NYAP2: variants seen among roughly 807,000 people sequenced by gnomAD.
NYAP2 encodes neuronal tyrosine-phosphorylated phosphoinositide-3-kinase adaptor 2.
In NYAP2, 23 loss-of-function variants were observed where a neutral mutation model predicts 50.4. The ratio of observed to expected loss-of-function variants is 0.46; its 90% CI spans 0.33 to 0.65. The LOEUF (loss-of-function observed/expected upper bound fraction) is 0.65. Ranked by LOEUF, NYAP2 falls within the 30% of genes least tolerant of loss-of-function variation. The probability of loss-of-function intolerance (pLI) is 0.02; values close to 1 mark genes in which losing one functional copy is unlikely to be tolerated. For missense variants in NYAP2, 885 were observed against 861.0 expected, an observed-to-expected ratio of 1.03 and a Z score of -0.35; for synonymous variants, 394 against 365.2, an observed-to-expected ratio of 1.08 and a Z score of -0.90.
At chr2:225,690,863 G>A in the NYAP2 span, among the ~76,000 whole-genome samples, 1 of 151,974 alleles carries the variant, frequency 6.6e-6, no homozygotes, top group Non-Finnish European at 1.5e-5. Flanking sequence ...TGTTTATATA[G>A]CACCAATACT....
At chr2:225,647,393 G>A (rs1693652681) in intron 6 of NYAP2, among the ~76,000 whole-genome samples, 1 of 152,156 alleles carries the variant, frequency 6.6e-6, no homozygotes. Context: ...TGATACACTT[G>A]TGTTTAAACA....
intron 3 of NYAP2, among the ~76,000 whole-genome samples, chr2:225,445,643 T>TA (rs1689539996): frequency 1.3e-5 from 2 of 152,014 alleles, no homozygotes; most frequent in Admixed American, 1.3e-4. Flanking sequence ...AAATATATTT[T>TA]AAAAAATTAA....
intron 3 of NYAP2, among the ~76,000 whole-genome samples, chr2:225,484,112 G>A (rs1574637737): frequency 6.6e-6 from 1 of 152,306 alleles, no homozygotes; most frequent in East Asian, 1.9e-4. Flanking sequence ...AGGTTTTTAA[G>A]TTGGTGCTTT....
chr2:225,643,494 G>A (rs1693568945), intron 6 of NYAP2, among the ~76,000 whole-genome samples: 1 of 151,154 alleles, frequency 6.6e-6, no homozygotes, highest in African/African-American at 2.4e-5. Flanking sequence ...TGCACAATGT[G>A]CAGGTTAGTT....
the NYAP2 span, among the ~76,000 whole-genome samples, chr2:225,668,820 G>A: frequency 1.3e-5 from 2 of 152,100 alleles, no homozygotes; most frequent in Admixed American, 6.6e-5. Context: ...TAGAGGGAGG[G>A]AGAGGATCTC....
At chr2:225,542,244 T>C (rs992265940) in intron 4 of NYAP2, among the ~76,000 whole-genome samples, 1 of 152,150 alleles carries the variant, frequency 6.6e-6, no homozygotes, top group African/African-American at 2.4e-5. Context: ...TCCTTTCCAG[T>C]TGGATGCCTT....
At chr2:225,473,686 T>C (rs1690052345) in intron 3 of NYAP2, among the ~76,000 whole-genome samples, 1 of 152,202 alleles carries the variant, frequency 6.6e-6, no homozygotes, top group Non-Finnish European at 1.5e-5. Context: ...TTTGTTTGAG[T>C]TCTTTGTAGA....
the NYAP2 span, among the ~76,000 whole-genome samples, chr2:225,683,017 C>T: frequency 6.6e-6 from 1 of 152,204 alleles, no homozygotes; most frequent in Non-Finnish European, 1.5e-5. Flanking sequence ...ATTTCCCCCC[C>T]CCATTCTGTT....
chr2:225,443,850 G>C (rs551451973), intron 3 of NYAP2, among the ~76,000 whole-genome samples: 138 of 152,250 alleles, frequency 9.1e-4, no homozygotes, highest in Middle Eastern at 3.4e-3. Context: ...CACCTGTCAA[G>C]ACTTATATAA....
chr2:225,497,404 G>A (rs1328337944), intron 3 of NYAP2, among the ~76,000 whole-genome samples: 1 of 152,256 alleles, frequency 6.6e-6, no homozygotes, highest in African/African-American at 2.4e-5. Flanking sequence ...ATGTCACTCC[G>A]GTTACATGAA....
chr2:225,599,460 C>T (rs1233708404), intron 5 of NYAP2, among the ~76,000 whole-genome samples: 1 of 152,166 alleles, frequency 6.6e-6, no homozygotes, highest in Non-Finnish European at 1.5e-5. Flanking sequence ...AGAATTAAAA[C>T]CAGCCTGACA....
intron 5 of NYAP2, among the ~76,000 whole-genome samples, chr2:225,596,802 G>T (rs979504845): frequency 6.6e-6 from 1 of 152,272 alleles, no homozygotes; most frequent in African/African-American, 2.4e-5. Flanking sequence ...AGAGAAGTCA[G>T]TCCCATTACT....
chr2:225,598,402 C>T (rs944686670), intron 5 of NYAP2, among the ~76,000 whole-genome samples: 4 of 151,920 alleles, frequency 2.6e-5, no homozygotes, highest in African/African-American at 9.7e-5. Flanking sequence ...TAAGTGGAAA[C>T]CAAGAATAGT....
chr2:225,660,440 C>G, the NYAP2 span, among the ~76,000 whole-genome samples: 1 of 68,266 alleles, frequency 1.5e-5, no homozygotes, highest in South Asian at 8.6e-4. Flanking sequence ...ACACAGGATA[C>G]ATTTTTTTTT....
chr2:225,544,011 A>C (rs1203803781), intron 4 of NYAP2, among the ~76,000 whole-genome samples: 1 of 151,956 alleles, frequency 6.6e-6, no homozygotes. Flanking sequence ...TTGTATAGTG[A>C]CCTTCTTTGT....
chr2:225,450,615 C>T (rs1689634372), intron 3 of NYAP2, among the ~76,000 whole-genome samples: 1 of 152,182 alleles, frequency 6.6e-6, no homozygotes, highest in Non-Finnish European at 1.5e-5. Flanking sequence ...CCTCAGTTTC[C>T]TCAACTGTAA....
At chr2:225,398,840 C>T (rs1694811798), upstream of NYAP2, among the ~76,000 whole-genome samples, 1 of 151,972 alleles carries the variant, frequency 6.6e-6, no homozygotes, top group African/African-American at 2.4e-5. Flanking sequence ...CAGGAATGCA[C>T]TTCAGGACAT....
intron 3 of NYAP2, among the ~76,000 whole-genome samples, chr2:225,436,409 C>T (rs571536297): frequency 3.4e-4 from 52 of 152,254 alleles, no homozygotes; most frequent in African/African-American, 1.2e-3. Flanking sequence ...TCTGGCATTC[C>T]TTGGTTTGTG....
intron 5 of NYAP2, among the ~76,000 whole-genome samples, chr2:225,611,251 T>C (rs1692879950): frequency 6.6e-6 from 1 of 152,174 alleles, no homozygotes; most frequent in Admixed American, 6.6e-5. Context: ...CAATTCCTCC[T>C]CTGTACTGCA....
Sources: allele counts gnomAD v4.1 joint callset (sites outside exome capture counted in the v4.1 genomes callset), GRCh38; gene constraint gnomAD v4.1.1; transcripts MANE v1.5; gene names NCBI Gene and HGNC (gene_info 2026-07-23, HGNC 2026-07-21).